Variants in BEST3 observed in about 807,000 individuals in gnomAD.
BEST3 encodes the protein bestrophin-3.
A neutral mutation model predicts 47.1 loss-of-function variants in BEST3; 50 were observed. That is an observed-to-expected ratio of 1.06 (90% CI 0.85 to 1.34). The LOEUF (loss-of-function observed/expected upper bound fraction) is 1.34. BEST3 is among the 40% of genes most tolerant of loss of function. BEST3 has a pLI of 0.00. For missense variants in BEST3, 765 were observed against 817.0 expected, an observed-to-expected ratio of 0.94 and a Z score of 0.78; for synonymous variants, 282 against 298.8, an observed-to-expected ratio of 0.94 and a Z score of 0.58.
intron 9 of BEST3, among the ~76,000 whole-genome samples, chr12:69,645,534 G>A (rs990226041): frequency 1.3e-5 from 2 of 152,202 alleles, no homozygotes; most frequent in African/African-American, 4.8e-5. Context: ...CTGTTCATCA[G>A]TTGTGTGCTG....
Position 69,654,962 on chromosome 12 carries a change from G to T in BEST3, c.1952C>A (p.Thr651Asn). ...DMLYLMENLD[T>N]KETDIIELNK... ...CAGCTCTATGATATCTGTTTCCTTGGTGTCCAGGTTTTCCATTAAATACAG... is the reference window on the plus strand; with the variant it reads ...CAGCTCTATGATATCTGTTTCCTTGTTGTCCAGGTTTTCCATTAAATACAG... The change falls in exon 10 of 10, where the codon ACC becomes AAC. Residue 651 changes from threonine to asparagine, a missense_variant. Thr to Asn is a moderately conservative substitution (Grantham distance 65, BLOSUM62 0). Coordinates refer to ENST00000330891, the MANE Select transcript of BEST3 (RefSeq NM_032735.3). 1.9e-6 allele frequency: 3 copies of T among 1,613,968 alleles called. No individual in the cohort carries two copies. The highest frequency in any genetic ancestry group is 1.3e-5 in the African/African-American group (1 of 74,996).
Position 69,695,216 on chromosome 12 carries a change from C to T in BEST3, c.153-752G>A, listed in dbSNP as rs115214826. On this transcript the variant is annotated intron_variant, in intron 2 of 9. Coordinates refer to ENST00000330891, the MANE Select transcript of BEST3 (RefSeq NM_032735.3). ...TTTTAAGGCAAACTAATAATAATGA[C>T]CAAAATACAGGAAGGAAAGCCAAAC... 8.2e-3 allele frequency among the ~76,000 whole-genome samples: 1,247 copies of T among 152,036 alleles called. 17 individuals are homozygous for T. The highest frequency in any genetic ancestry group is 0.028 in the African/African-American group (1,181 of 41,466).
At chr12:69,668,314 T>C (rs1054082105) in intron 9 of BEST3, among the ~76,000 whole-genome samples, 5 of 152,082 alleles carry the variant, frequency 3.3e-5, no homozygotes. Flanking sequence ...AATAAGAAAA[T>C]TTAAAAAAAT....
At chr12:69,672,736 C>T in intron 8 of BEST3, 149 bp downstream of exon 8, 1 of 587,266 alleles carries the variant, frequency 1.7e-6, no homozygotes, top group Middle Eastern at 4.5e-4. Context: ...TCTGAAAGGA[C>T]CTGAGACAGC....
chr12:69,648,725 G>T (rs1016788420), downstream of BEST3, among the ~76,000 whole-genome samples: 6 of 152,302 alleles, frequency 3.9e-5, no homozygotes, highest in African/African-American at 1.4e-4. Context: ...CATCATCCAG[G>T]ATTTCACCAA....
At chr12:69,671,913 A>C (rs961258014) in intron 8 of BEST3, among the ~76,000 whole-genome samples, 1 of 152,134 alleles carries the variant, frequency 6.6e-6, no homozygotes, top group African/African-American at 2.4e-5. Context: ...GTGTTGTTTT[A>C]CCTGATAGCA....
chr12:69,669,238 C>T (rs945498316), intron 9 of BEST3, among the ~76,000 whole-genome samples: 6 of 152,164 alleles, frequency 3.9e-5, no homozygotes, highest in Non-Finnish European at 8.8e-5. Flanking sequence ...CGCCTATTTT[C>T]CTGCAGTAAA....
chr12:69,655,282 GC>G lies in BEST3; in HGVS notation c.1631del (p.Gly544AlafsTer44), dbSNP rs1316233140. On this transcript the variant is annotated frameshift_variant, in exon 10 of 10. Coordinates refer to ENST00000330891, the MANE Select transcript of BEST3 (RefSeq NM_032735.3). LOFTEE classifies it low-confidence loss of function (END_TRUNC). ...VQPSKTEQQQ[G>X]PMGSILSPSE... ...AGGGAGACAGGATGGATCCCATGGGGCCCTGCTGCTGCTCAGTCTTGCTTGG... is the reference window on the plus strand; with the variant it reads ...AGGGAGACAGGATGGATCCCATGGGGCCTGCTGCTGCTCAGTCTTGCTTGG... The G allele has an allele frequency of 1.9e-6, 3 of 1,614,046 alleles. No homozygotes were observed. In the African/African-American group the frequency reaches 4.0e-5, roughly 22 times the overall value.
At chr12:69,644,853 A>T (rs1187315954) in intron 9 of BEST3, among the ~76,000 whole-genome samples, 2 of 152,214 alleles carry the variant, frequency 1.3e-5, no homozygotes, top group Admixed American at 6.5e-5. Context: ...GCTATTTTTT[A>T]AAATAGTATT....
intron 9 of BEST3, among the ~76,000 whole-genome samples, chr12:69,659,410 G>C (rs1280537640): frequency 6.6e-6 from 1 of 152,196 alleles, no homozygotes; most frequent in Admixed American, 6.5e-5. Flanking sequence ...CTGGAGTGCA[G>C]TGGCACAATC....
chr12:69,693,174 C>A (rs1483883255), intron 4 of BEST3, among the ~76,000 whole-genome samples: 1 of 151,954 alleles, frequency 6.6e-6, no homozygotes, highest in African/African-American at 2.4e-5. Context: ...TCTTAGTTTG[C>A]TTCTGGCACA....
chr12:69,684,856 A>G (rs1885470570), intron 4 of BEST3, among the ~76,000 whole-genome samples: 1 of 152,200 alleles, frequency 6.6e-6, no homozygotes, highest in Non-Finnish European at 1.5e-5. Flanking sequence ...CATTGCAACA[A>G]CATCATGCAG....
In BEST3 at chr12:69,654,491, A is replaced by C. The variant is rs887289269; in HGVS notation, c.*416T>G. The C allele has an allele frequency of 2.0e-6, 2 of 988,992 alleles. No homozygotes were observed. The highest frequency in any genetic ancestry group is 2.4e-6 in the Non-Finnish European group (2 of 832,430). The allele number at this position is 988,992 out of a possible 1,614,324, so 61.3% of individuals were successfully genotyped here. On this transcript the variant is annotated 3_prime_UTR_variant, in exon 10 of 10. Coordinates refer to ENST00000330891, the MANE Select transcript of BEST3 (RefSeq NM_032735.3). ...CATCTCCTTTCTTTATGGCTAAAGA[A>C]AAAAAGAAAGAGAAAAAAGAAGAGA...
At chr12:69,669,129 T>C (rs1458555124) in intron 9 of BEST3, among the ~76,000 whole-genome samples, 2 of 152,172 alleles carry the variant, frequency 1.3e-5, no homozygotes, top group Non-Finnish European at 2.9e-5. Flanking sequence ...TTTTCTGTCA[T>C]AGGCAACCAG....
intron 7 of BEST3, 77 bp downstream of exon 7, chr12:69,676,839 A>G (rs189475776): frequency 1.4e-6 from 2 of 1,447,608 alleles, no homozygotes; most frequent in Admixed American, 1.9e-5. Flanking sequence ...TGATTTGCTA[A>G]AGACTCAGTA....
intron 2 of BEST3, 101 bp from the exon 3 acceptor site, chr12:69,694,565 T>C (rs955033961): frequency 5.7e-6 from 3 of 524,558 alleles, no homozygotes; most frequent in Non-Finnish European, 9.3e-6. Context: ...AATAATCTTT[T>C]ATTTTTGAAG....
chr12:69,656,993 G>C (rs184826115), intron 9 of BEST3, among the ~76,000 whole-genome samples: 3 of 152,152 alleles, frequency 2.0e-5, no homozygotes, highest in African/African-American at 7.2e-5. Flanking sequence ...CTTGCATCGC[G>C]ATTGGGCTCT....
intron 4 of BEST3, among the ~76,000 whole-genome samples, chr12:69,686,786 A>AAAAAAAAAAAAAAAAAAAAAAAAAG (rs371159662): frequency 7.0e-5 from 10 of 143,280 alleles, no homozygotes; most frequent in Non-Finnish European, 1.4e-4. Flanking sequence ...AAACAAAAAA[A>AAAAAAAAAAAAAAAAAAAAAAAAAG]AAAGAAAGAA....
intron 9 of BEST3, among the ~76,000 whole-genome samples, chr12:69,644,123 T>C (rs982147812): frequency 4.6e-5 from 7 of 152,162 alleles, no homozygotes; most frequent in African/African-American, 1.7e-4. Context: ...CTGTAGGGAA[T>C]GTATTTATAG....
Sources: allele counts gnomAD v4.1 joint callset (sites outside exome capture counted in the v4.1 genomes callset), GRCh38; gene constraint gnomAD v4.1.1; transcripts MANE v1.5; gene names NCBI Gene and HGNC (gene_info 2026-07-23, HGNC 2026-07-21).